The following DACH2 variants were observed in gnomAD, a reference collection of about 807,000 sequenced individuals.
DACH2 encodes the protein dachshund family transcription factor 2, also known as dachshund homolog 2.
In DACH2, 17 loss-of-function variants were observed where a neutral mutation model predicts 35.8. The ratio of observed to expected loss-of-function variants is 0.48; its 90% CI spans 0.33 to 0.71. The LOEUF (loss-of-function observed/expected upper bound fraction) is 0.71. Among genes scored for constraint, DACH2 ranks in the 30% least tolerant of loss-of-function variants. The pLI is 0.02. For missense variants in DACH2, 469 were observed against 472.7 expected (o/e 0.99, Z 0.07); for synonymous variants, 195 against 177.3 (o/e 1.10, Z -0.79).
At chrX:86,533,736 A>T (rs759202591) in intron 3 of DACH2, among the ~76,000 whole-genome samples, 1 of 112,011 alleles carries the variant, frequency 8.9e-6, no homozygotes, top group Admixed American at 9.5e-5. Context: ...TTTCTACAAA[A>T]TAAGTTGACC....
rs2039135974 is a variant in DACH2 at position 86,556,820 on chromosome X, A to AGG, written c.640+42430_640+42431insGG. Among the ~76,000 whole-genome samples, 3 of 94,476 alleles carry AGG rather than the reference A, an allele frequency of 3.2e-5. No homozygotes were observed. In the Admixed American group the frequency reaches 3.6e-4, roughly 11 times the overall value. The allele number at this position is 94,476 out of a possible 115,157, so 82.0% of individuals were successfully genotyped here. ...TAGAGAGAGAGAGAGAGAGAGAGAGAGAGAGAGAGAAGAAGAAATGTACTA... is the reference window on the plus strand; with the variant it reads ...TAGAGAGAGAGAGAGAGAGAGAGAGAGGGAGAGAGAGAAGAAGAAATGTACTA... On this transcript the variant is annotated intron_variant, in intron 3 of 11. Transcript: ENST00000373125.
At chrX:86,626,201 A>G (rs1336907949) in intron 3 of DACH2, among the ~76,000 whole-genome samples, 2 of 112,692 alleles carry the variant, frequency 1.8e-5, no homozygotes, top group African/African-American at 3.2e-5. Context: ...CAAAGAGGCT[A>G]CAAGCCTTTT....
At chrX:86,155,522 A>G (rs765025224) in intron 1 of DACH2, among the ~76,000 whole-genome samples, 2 of 110,799 alleles carry the variant, frequency 1.8e-5, no homozygotes, top group Admixed American at 9.7e-5. Flanking sequence ...TATCATAACT[A>G]CCGTACTTCA....
At chrX:86,319,745 A>G (rs1298634160) in intron 1 of DACH2, among the ~76,000 whole-genome samples, 2 of 112,515 alleles carry the variant, frequency 1.8e-5, no homozygotes, top group African/African-American at 6.4e-5. Context: ...ACTGAAAGGT[A>G]CCACAGCTTT....
chrX:86,260,839 TCTTTCA>T (rs1476516931), intron 1 of DACH2, among the ~76,000 whole-genome samples: 1 of 111,494 alleles, frequency 9.0e-6, no homozygotes, highest in Non-Finnish European at 1.9e-5. Flanking sequence ...AGTTACCTTT[TCTTTCA>T]CATCATGGTG....
chrX:86,662,603 AAAG>A (rs1211697302), intron 4 of DACH2, among the ~76,000 whole-genome samples: 1 of 110,646 alleles, frequency 9.0e-6, no homozygotes. Context: ...AAAAAAAAAA[AAAG>A]GTGGGAGATG....
At chrX:86,632,389 T>G (rs2040211657) in intron 3 of DACH2, among the ~76,000 whole-genome samples, 1 of 110,596 alleles carries the variant, frequency 9.0e-6, no homozygotes, top group Non-Finnish European at 1.9e-5. Flanking sequence ...GGGATTGATT[T>G]AGATGTTTAT....
intron 1 of DACH2, among the ~76,000 whole-genome samples, chrX:86,263,412 T>C (rs1356073798): frequency 9.0e-6 from 1 of 111,519 alleles, no homozygotes; most frequent in African/African-American, 3.3e-5. Flanking sequence ...TATGTGTGAG[T>C]TCAGGTTGGA....
intron 4 of DACH2, among the ~76,000 whole-genome samples, chrX:86,681,587 CTT>C (rs2040881277): frequency 6.3e-5 from 6 of 95,575 alleles, no homozygotes; most frequent in Admixed American, 2.7e-4. Flanking sequence ...CTCTCTCTCT[CTT>C]TCTCCCTCTC....
chrX:86,817,542 C>T (rs2042465936), intron 11 of DACH2, among the ~76,000 whole-genome samples: 1 of 111,321 alleles, frequency 9.0e-6, no homozygotes, highest in South Asian at 3.7e-4. Flanking sequence ...TTAAGGTCAG[C>T]TTTGGAACTG....
chrX:86,632,106 T>C lies in DACH2; in HGVS notation c.641-18930T>C, dbSNP rs2040207727. Among the ~76,000 whole-genome samples the C allele has an allele frequency of 2.7e-5, 3 of 111,804 alleles. No homozygotes were observed. In the Admixed American group the frequency reaches 2.9e-4, roughly 11 times the overall value. Reference sequence around the variant, plus strand: ...AAGTTATATGATGCAATTTCTCCTTTATTCTGGTCAGTGACATATAAAGTA... The same window carrying C: ...AAGTTATATGATGCAATTTCTCCTTCATTCTGGTCAGTGACATATAAAGTA... On this transcript the variant is annotated intron_variant, in intron 3 of 11. Transcript: ENST00000373125.
At chrX:86,465,851 C>G (rs2037657400) in intron 2 of DACH2, among the ~76,000 whole-genome samples, 1 of 111,759 alleles carries the variant, frequency 8.9e-6, no homozygotes, top group South Asian at 3.7e-4. Flanking sequence ...TTGAAAGACT[C>G]ACTTTATTTT....
chrX:86,239,044 T>C (rs2033113139), intron 1 of DACH2, among the ~76,000 whole-genome samples: 1 of 111,339 alleles, frequency 9.0e-6, no homozygotes, highest in Non-Finnish European at 1.9e-5. Flanking sequence ...TTGTAGCCAG[T>C]GAACCACTTC....
intron 7 of DACH2, among the ~76,000 whole-genome samples, chrX:86,799,647 G>A (rs755364123): frequency 4.5e-5 from 5 of 112,157 alleles, no homozygotes; most frequent in Non-Finnish European, 9.4e-5. Flanking sequence ...AGAATTACAA[G>A]TTTATTCTTT....
At chrX:86,667,528 AG>A (rs1354825031) in intron 4 of DACH2, among the ~76,000 whole-genome samples, 1 of 64,107 alleles carries the variant, frequency 1.6e-5, no homozygotes, top group African/African-American at 8.5e-5. Context: ...AAAGAAAGAA[AG>A]AAAGAAAGAA....
intron 1 of DACH2, among the ~76,000 whole-genome samples, chrX:86,308,844 G>A (rs2034741844): frequency 9.0e-6 from 1 of 111,299 alleles, no homozygotes; most frequent in African/African-American, 3.3e-5. Flanking sequence ...GTTAAAGTAG[G>A]GGCTTATGGA....
chrX:86,300,152 A>G (rs1398579525), intron 1 of DACH2, among the ~76,000 whole-genome samples: 1 of 111,360 alleles, frequency 9.0e-6, no homozygotes, highest in African/African-American at 3.3e-5. Context: ...CTATGTTTGT[A>G]CCCATTAGCC....
intron 3 of DACH2, among the ~76,000 whole-genome samples, chrX:86,616,485 A>G (rs1486904849): frequency 9.0e-6 from 1 of 111,702 alleles, no homozygotes; most frequent in African/African-American, 3.2e-5. Flanking sequence ...GTTGTATCTC[A>G]TTGGGATTTT....
chrX:86,560,498 A>G (rs1569440509), intron 3 of DACH2, among the ~76,000 whole-genome samples: 1 of 107,537 alleles, frequency 9.3e-6, no homozygotes, highest in Non-Finnish European at 1.9e-5. Flanking sequence ...GCCTTGCTAG[A>G]TTGGGGAAGG....
Sources: allele counts gnomAD v4.1 joint callset (sites outside exome capture counted in the v4.1 genomes callset), GRCh38; gene constraint gnomAD v4.1.1; transcripts MANE v1.5; gene names NCBI Gene and HGNC (gene_info 2026-07-23, HGNC 2026-07-21).